TRAF3IP1: variants seen among roughly 807,000 people sequenced by gnomAD.
TRAF3IP1 encodes the protein TRAF3-interacting protein 1.
In TRAF3IP1, 53 loss-of-function variants were observed where a neutral mutation model predicts 89.9. That is an observed-to-expected ratio of 0.59 (90% CI 0.47 to 0.74). The LOEUF (loss-of-function observed/expected upper bound fraction) is 0.74, where lower values mean the gene tolerates loss of function less well. TRAF3IP1 is among the 30% of genes least tolerant of loss of function. The probability of loss-of-function intolerance (pLI) is 0.00; values close to 1 mark genes in which losing one functional copy is unlikely to be tolerated. For missense variants in TRAF3IP1, 806 were observed against 866.1 expected (o/e 0.93, Z 0.87); for synonymous variants, 311 against 322.1 (o/e 0.97, Z 0.37).
intron 9 of TRAF3IP1, chr2:238,347,104 C>T (rs977289884): frequency 8.8e-5 from 21 of 239,214 alleles, no homozygotes; most frequent in Non-Finnish European, 1.0e-4. Flanking sequence ...ACTGTTGCAT[C>T]GTTCCCTCAC....
intron 11 of TRAF3IP1, 81 bp from the exon 12 acceptor site, chr2:238,349,244 A>G: frequency 6.0e-6 from 8 of 1,337,008 alleles, no homozygotes; most frequent in Non-Finnish European, 8.4e-6. Flanking sequence ...GAGAGTTAAC[A>G]TTCACCTGGG....
rs150407213 is a variant in TRAF3IP1 at position 238,351,906 on chromosome 2, CGTGTGTGTGT to C, written c.1452-908_1452-899del. Among the ~76,000 whole-genome samples the C allele has an allele frequency of 1.4e-5, 2 of 144,124 alleles. No homozygotes were observed. Among genetic ancestry groups the C allele is most frequent in the East Asian group, 2.1e-4 (1 of 4,860 alleles). The allele number at this position is 144,124 out of a possible 152,430, so 94.6% of individuals were successfully genotyped here. A position where few individuals can be genotyped will look rare whatever the true frequency, so the allele number is the denominator to read the frequency against. On this transcript the variant is annotated intron_variant, in intron 12 of 16. Coordinates refer to ENST00000373327, the MANE Select transcript of TRAF3IP1 (RefSeq NM_015650.4). This position sits in a 1 kb window ranked among gnomAD's most constrained non-coding sequence, Gnocchi z 5.2. ...GTGCGTGCATGTGCTTGTGTGTATG[CGTGTGTGTGT>C]GTGTGTGTGTGTATGCATGTGCACG...
At chr2:238,367,881 C>T (rs1359272464) in intron 15 of TRAF3IP1, among the ~76,000 whole-genome samples, 1 of 152,160 alleles carries the variant, frequency 6.6e-6, no homozygotes, top group African/African-American at 2.4e-5. Flanking sequence ...GCCTCCCTGT[C>T]TCAGTGCGGG....
intron 1 of TRAF3IP1, among the ~76,000 whole-genome samples, chr2:238,322,653 A>G (rs1056842533): frequency 3.8e-5 from 5 of 131,488 alleles, no homozygotes; most frequent in African/African-American, 1.4e-4. Flanking sequence ...GTAACACTGC[A>G]CTCTAGCCTG....
chr2:238,371,747 C>T (rs1700120371), intron 15 of TRAF3IP1, among the ~76,000 whole-genome samples: 1 of 152,156 alleles, frequency 6.6e-6, no homozygotes, highest in African/African-American at 2.4e-5. Context: ...TAAACTATCT[C>T]ATTAGAAATT....
chr2:238,400,451 A>G lies in TRAF3IP1; in HGVS notation c.*1532A>G, dbSNP rs1424529014. The stretch of plus-strand genomic sequence containing the variant: ...GCACCGTTGGGTTTTTCTTCATACA[A>G]TTTCCAAAATAAATTCTGTACTCAG... On this transcript the variant is annotated 3_prime_UTR_variant, in exon 17 of 17. Coordinates refer to ENST00000373327, the MANE Select transcript of TRAF3IP1 (RefSeq NM_015650.4). 1 of 152,162 alleles carries G rather than the reference A, an allele frequency of 6.6e-6. No homozygotes were observed. Among genetic ancestry groups the G allele is most frequent in the Non-Finnish European group, 1.5e-5 (1 of 68,036 alleles). The allele number at this position is 152,162 out of a possible 1,614,324, so 9.4% of individuals were successfully genotyped here. A position where few individuals can be genotyped will look rare whatever the true frequency, so the allele number is the denominator to read the frequency against.
At chr2:238,328,606 T>C in intron 3 of TRAF3IP1, 80 bp from the exon 4 acceptor site, 1 of 1,499,450 alleles carries the variant, frequency 6.7e-7, no homozygotes, top group Non-Finnish European at 9.0e-7. Flanking sequence ...TGAGCTATCT[T>C]TGAATGGCGA....
At chr2:238,325,470 C>T (rs1329506633) in intron 2 of TRAF3IP1, 96 bp downstream of exon 2, 1 of 1,266,608 alleles carries the variant, frequency 7.9e-7, no homozygotes, top group African/African-American at 1.5e-5. Flanking sequence ...TTCTCTGCTG[C>T]ATGTGGTTGG....
Position 238,332,204 on chromosome 2 carries a change from G to A in TRAF3IP1, c.916-620G>A, listed in dbSNP as rs532623839. Reference sequence around the variant, plus strand: ...TCGAACAGGCATTCTTTGCTTTTCAGTCTTCCTAGAGGAAAATCTCAATGA... The same window carrying A: ...TCGAACAGGCATTCTTTGCTTTTCAATCTTCCTAGAGGAAAATCTCAATGA... On this transcript the variant is annotated intron_variant, in intron 5 of 16. Coordinates refer to ENST00000373327, the MANE Select transcript of TRAF3IP1 (RefSeq NM_015650.4). 2.0e-5 allele frequency among the ~76,000 whole-genome samples: 3 copies of A among 152,310 alleles called. No individual in the cohort carries two copies. The South Asian group carries it at 6.2e-4, about 32-fold the overall frequency.
chr2:238,374,401 C>T lies in TRAF3IP1; in HGVS notation c.1689+18321C>T, dbSNP rs113777317. 1.9e-3 allele frequency among the ~76,000 whole-genome samples: 282 copies of T among 151,666 alleles called. 3 individuals carry two copies. Among genetic ancestry groups the T allele is most frequent in the African/African-American group, 5.7e-3 (237 of 41,456 alleles). On this transcript the variant is annotated intron_variant, in intron 15 of 16. Transcript: ENST00000373327. Reference sequence around the variant, plus strand: ...TTATTGAGATAATCGTGGTTTTTGTCGGTTCTGTTTATGTGATGGATTACG... The same window carrying T: ...TTATTGAGATAATCGTGGTTTTTGTTGGTTCTGTTTATGTGATGGATTACG...
Position 238,341,550 on chromosome 2 carries a change from A to ATTT in TRAF3IP1, c.1160-2947_1160-2946insTTT, listed in dbSNP as rs1476448345. Among the ~76,000 whole-genome samples, 8 of 147,324 alleles carry ATTT rather than the reference A, an allele frequency of 5.4e-5. 2 individuals carry two copies. Among genetic ancestry groups the ATTT allele is most frequent in the African/African-American group, 1.8e-4 (7 of 38,294 alleles). On this transcript the variant is annotated intron_variant, in intron 8 of 16. Coordinates refer to ENST00000373327, the MANE Select transcript of TRAF3IP1 (RefSeq NM_015650.4). ...TTCTATTCTTTTTTTTTTTTTTAAA[A>ATTT]AAAAAACACTGGCTATTTGATGACA...
chr2:238,321,307 C>T (rs918714045), intron 1 of TRAF3IP1, among the ~76,000 whole-genome samples: 2 of 152,188 alleles, frequency 1.3e-5, no homozygotes, highest in Non-Finnish European at 2.9e-5. Context: ...TCTCGCTTGC[C>T]CTGAAGTATG....
Position 238,356,074 on chromosome 2 carries a change from G to A in TRAF3IP1, c.1683G>A (p.Gly561=). 4 of 1,613,222 alleles carry A rather than the reference G, an allele frequency of 2.5e-6. No individual in the cohort carries two copies. The South Asian group carries it at 3.3e-5, about 13-fold the overall frequency. Residue 561 remains glycine (G), a synonymous_variant, in exon 15 of 17, where the codon GGG becomes GGA. Coordinates refer to ENST00000373327, the MANE Select transcript of TRAF3IP1 (RefSeq NM_015650.4). The part of the protein sequence containing the change: ...YEKLQQSPKP[G]EKERSLFESA... ...AATTGCAGCAGTCACCCAAACCTGG[G>A]GAGAAGGTAATGGAATGATTTCCAT...
Position 238,329,244 on chromosome 2 carries a change from A to G in TRAF3IP1, c.817A>G (p.Lys273Glu), listed in dbSNP as rs1427623845. The change falls in exon 5 of 17, where the codon AAA becomes GAA. Residue 273 changes from lysine (K) to glutamate (E), a missense_variant. By Grantham distance (56) the Lys-to-Glu change is moderately conservative. Around this residue, in one of 3 missense-constraint regions of TRAF3IP1, gnomAD observed 732 missense variants for 780.5 expected, o/e 0.94. Coordinates refer to ENST00000373327, the MANE Select transcript of TRAF3IP1 (RefSeq NM_015650.4). Reference protein sequence around the residue: ...RDRDRERDRDKGKDRDRRRVK... With the variant: ...RDRDRERDRDEGKDRDRRRVK... ...CAGGGACCGAGAGCGCGACCGGGAC[A>G]AAGGGAAGGACAGGGACAGACGGAG... 1 of 1,542,562 alleles carries G rather than the reference A, an allele frequency of 6.5e-7. No individual in the cohort carries two copies. The highest frequency in any genetic ancestry group is 2.1e-5 in the Admixed American group (1 of 47,432).
chr2:238,351,870 C>T lies in TRAF3IP1; in HGVS notation c.1452-957C>T, dbSNP rs1187965202. On this transcript the variant is annotated intron_variant, in intron 12 of 16. Coordinates refer to ENST00000373327, the MANE Select transcript of TRAF3IP1 (RefSeq NM_015650.4). The surrounding 1 kb of genome is among the most constrained non-coding windows in gnomAD (Gnocchi z 5.2). ...GTGTGTGTGTGTGTGTGTGTGTGCG[C>T]GCGCGCGCGTGTGCGTGCATGTGCT... Among the ~76,000 whole-genome samples the T allele has an allele frequency of 2.1e-5, 3 of 143,786 alleles. No individual in the cohort carries two copies. The highest frequency in any genetic ancestry group is 2.0e-4 in the East Asian group (1 of 5,014). 94.3% of individuals were successfully genotyped at this position (143,786 alleles called of 152,430 possible).
chr2:238,356,847 C>T (rs1468779218), intron 15 of TRAF3IP1, among the ~76,000 whole-genome samples: 3 of 150,410 alleles, frequency 2.0e-5, no homozygotes, highest in South Asian at 2.1e-4. Context: ...GGCATGATCT[C>T]GGCTCACTGC....
At chr2:238,348,715 C>G in intron 10 of TRAF3IP1, 49 bp from the exon 11 acceptor site, 1 of 1,469,334 alleles carries the variant, frequency 6.8e-7, no homozygotes, top group South Asian at 1.1e-5. Context: ...AAATAGTTAT[C>G]TATGTGTGTT....
chr2:238,340,844 T>TAGAGAG (rs1250660486), intron 8 of TRAF3IP1, among the ~76,000 whole-genome samples: 2 of 86,390 alleles, frequency 2.3e-5, no homozygotes, highest in Admixed American at 2.4e-4. Context: ...TATATATATA[T>TAGAGAG]ATAGAGAGAG....
rs13398676 is a variant in TRAF3IP1, at chr2:238,320,731, C to G, written c.69C>G (p.Thr23=). Residue 23 remains threonine, a synonymous_variant, in exon 1 of 17, where the codon ACC becomes ACG. Transcript: ENST00000373327. The part of the protein sequence containing the change: ...LGKVIRRPPL[T]EKLLSKPPFR... The stretch of plus-strand genomic sequence containing the variant: ...AAGTGATTCGGAGGCCGCCGCTGAC[C>G]GAGAAGCTGCTGAGCAAGCCCCCGT... 139 of 1,447,916 alleles carry G rather than the reference C, an allele frequency of 9.6e-5. 1 individual carries two copies. The East Asian group carries it at 4.4e-3, about 45-fold the overall frequency. 89.7% of individuals were successfully genotyped at this position (1,447,916 alleles called of 1,614,324 possible).
Sources: allele counts gnomAD v4.1 joint callset (sites outside exome capture counted in the v4.1 genomes callset), GRCh38; gene constraint gnomAD v4.1.1; regional missense constraint gnomAD v4.1.1; non-coding constraint Gnocchi (gnomAD v3.1); transcripts MANE v1.5; gene names NCBI Gene and HGNC (gene_info 2026-07-23, HGNC 2026-07-21).